The following EEIG2 variants were observed in gnomAD, a reference collection of about 807,000 sequenced individuals.
The protein encoded by EEIG2 is EEIG family member 2.
chr1:108,606,260 G>T, the EEIG2 span: 1 of 1,553,874 alleles, frequency 6.4e-7, no homozygotes, highest in Non-Finnish European at 8.8e-7. Flanking sequence ...AAGGTAAGCA[G>T]ATGTTCTTTT....
At chr1:108,622,032 C>G in the EEIG2 span, among the ~76,000 whole-genome samples, 2 of 152,124 alleles carry the variant, frequency 1.3e-5, no homozygotes, top group Non-Finnish European at 2.9e-5. Flanking sequence ...TGACGGGCAC[C>G]TGTAATCCAA....
At chr1:108,601,278 G>A in the EEIG2 span, among the ~76,000 whole-genome samples, 1 of 151,822 alleles carries the variant, frequency 6.6e-6, no homozygotes, top group South Asian at 2.1e-4. Context: ...GTGTGTGTAT[G>A]TGTTTGTGCG....
At chr1:108,594,696 G>A in the EEIG2 span, among the ~76,000 whole-genome samples, 1 of 152,074 alleles carries the variant, frequency 6.6e-6, no homozygotes, top group African/African-American at 2.4e-5. Context: ...ATCATCTTCA[G>A]GGAGCTTGGA....
the EEIG2 span, among the ~76,000 whole-genome samples, chr1:108,614,323 A>T: frequency 6.6e-6 from 1 of 151,946 alleles, no homozygotes; most frequent in East Asian, 1.9e-4. Flanking sequence ...TTGCATGCTG[A>T]GCATTGCTGA....
At chr1:108,625,790 G>C in the EEIG2 span, 27 of 127,722 alleles carry the variant, frequency 2.1e-4, no homozygotes, top group East Asian at 8.4e-4. Flanking sequence ...GTGTGTGTGT[G>C]TGTGTGTGTG....
chr1:108,624,920 C>T, the EEIG2 span: 1 of 583,686 alleles, frequency 1.7e-6, no homozygotes. Flanking sequence ...AAGTATTGTG[C>T]TCTGACAGAT....
At chr1:108,616,176 C>G in the EEIG2 span, among the ~76,000 whole-genome samples, 1 of 142,260 alleles carries the variant, frequency 7.0e-6, no homozygotes, top group East Asian at 2.0e-4. Flanking sequence ...GTTGCCTAGG[C>G]GGGAGTGCAG....
the EEIG2 span, chr1:108,612,371 G>A: frequency 2.4e-5 from 23 of 961,670 alleles, no homozygotes; most frequent in Non-Finnish European, 1.6e-5. Flanking sequence ...TATTGTCAAG[G>A]ACAAGATGTG....
the EEIG2 span, chr1:108,600,653 A>C: frequency 5.6e-6 from 9 of 1,611,622 alleles, no homozygotes; most frequent in Non-Finnish European, 7.6e-6. Context: ...CAGGCATCCT[A>C]GATCCTTGTA....
At chr1:108,636,548 T>C in the EEIG2 span, 1 of 152,342 alleles carries the variant, frequency 6.6e-6, no homozygotes, top group Admixed American at 6.5e-5. Flanking sequence ...AGAACTTATG[T>C]TGCTGTTTTT....
chr1:108,582,067 AC>A, the EEIG2 span, among the ~76,000 whole-genome samples: 2 of 152,206 alleles, frequency 1.3e-5, no homozygotes, highest in African/African-American at 4.8e-5. Context: ...TTTGCTACCA[AC>A]AAAAAGATTA....
chr1:108,631,040 G>A, the EEIG2 span: 8,043 of 249,078 alleles, frequency 0.032, 655 homozygotes, highest in African/African-American at 0.17. Context: ...TCATAAGTAG[G>A]TAAGAGAGAG....
chr1:108,632,414 C>T, the EEIG2 span, among the ~76,000 whole-genome samples: 1 of 152,118 alleles, frequency 6.6e-6, no homozygotes, highest in East Asian at 1.9e-4. Context: ...AGTGGGGAGC[C>T]ATTGGCCATC....
At chr1:108,565,015 T>C in the EEIG2 span, among the ~76,000 whole-genome samples, 1 of 152,226 alleles carries the variant, frequency 6.6e-6, no homozygotes, top group Non-Finnish European at 1.5e-5. Context: ...TTTCTTGGTA[T>C]TGTTTTCAAT....
chr1:108,612,127 GA>G, the EEIG2 span: 1 of 1,283,390 alleles, frequency 7.8e-7, no homozygotes, highest in Non-Finnish European at 1.1e-6. Flanking sequence ...AGGAGCATAT[GA>G]TAGAAGCCTA....
At chr1:108,638,796 C>G in the EEIG2 span, 1 of 152,130 alleles carries the variant, frequency 6.6e-6, no homozygotes, top group African/African-American at 2.4e-5. Flanking sequence ...TTAAGATGCT[C>G]TGGAAATAAA....
At chr1:108,637,138 T>C in the EEIG2 span, 6 of 152,164 alleles carry the variant, frequency 3.9e-5, no homozygotes, top group African/African-American at 7.2e-5. Context: ...TTTTAAATGG[T>C]ACAGAATTCT....
chr1:108,579,045 C>A, the EEIG2 span, among the ~76,000 whole-genome samples: 1 of 37,484 alleles, frequency 2.7e-5, no homozygotes, highest in Non-Finnish European at 5.6e-5. Flanking sequence ...CGAGCAAAAT[C>A]ACCAGCTAAC....
the EEIG2 span, among the ~76,000 whole-genome samples, chr1:108,584,586 C>G: frequency 2.0e-5 from 3 of 152,130 alleles, no homozygotes; most frequent in Non-Finnish European, 2.9e-5. Flanking sequence ...TTCTAGTTAA[C>G]ATTTTCTGTA....
Sources: allele counts gnomAD v4.1 joint callset (sites outside exome capture counted in the v4.1 genomes callset), GRCh38; gene constraint gnomAD v4.1.1; transcripts MANE v1.5; gene names NCBI Gene and HGNC (gene_info 2026-07-23, HGNC 2026-07-21).